UNC5C: variants seen among roughly 807,000 people sequenced by gnomAD.
The protein encoded by UNC5C is netrin receptor UNC5C.
UNC5C carries 47 observed loss-of-function variants against 99.8 expected under a neutral mutation model. The observed-to-expected ratio is 0.47, with a 90% CI of 0.37 to 0.60. The LOEUF is 0.60. Among genes scored for constraint, UNC5C ranks in the 20% least tolerant of loss-of-function variants. The probability of loss-of-function intolerance (pLI) is 0.00; values close to 1 mark genes in which losing one functional copy is unlikely to be tolerated. For synonymous variants in UNC5C, 487 were observed against 452.2 expected, an observed-to-expected ratio of 1.08 and a Z score of -0.98; for missense variants, 1,062 against 1,165.9, an observed-to-expected ratio of 0.91 and a Z score of 1.30.
chr4:95,342,814 T>G (rs1743627862), intron 1 of UNC5C, among the ~76,000 whole-genome samples: 1 of 150,448 alleles, frequency 6.6e-6, no homozygotes, highest in Non-Finnish European at 1.5e-5. Context: ...GAAGGAAGAG[T>G]CACCACAAGC....
intron 1 of UNC5C, among the ~76,000 whole-genome samples, chr4:95,475,406 T>G (rs1183446852): frequency 1.3e-5 from 2 of 151,926 alleles, no homozygotes; most frequent in Non-Finnish European, 2.9e-5. Flanking sequence ...AACACCCAAT[T>G]TTTAAAGGGT....
chr4:95,387,279 T>C (rs1470653741), intron 1 of UNC5C, among the ~76,000 whole-genome samples: 2 of 152,026 alleles, frequency 1.3e-5, no homozygotes, highest in African/African-American at 4.8e-5. Context: ...GCTGGGACTA[T>C]AGGCACCCAC....
chr4:95,400,523 G>C (rs1745659371), intron 1 of UNC5C, among the ~76,000 whole-genome samples: 2 of 149,940 alleles, frequency 1.3e-5, no homozygotes, highest in South Asian at 4.2e-4. Context: ...CTGCCGAGTA[G>C]CTGGGACTAC....
At chr4:95,269,125 A>G (rs770559614) in intron 4 of UNC5C, among the ~76,000 whole-genome samples, 1 of 152,218 alleles carries the variant, frequency 6.6e-6, no homozygotes, top group Non-Finnish European at 1.5e-5. Context: ...ACTGCATTTT[A>G]GAATCACATG....
intron 10 of UNC5C, 180 bp downstream of exon 10, chr4:95,215,941 GCGT>G: frequency 4.2e-6 from 2 of 474,548 alleles, no homozygotes; most frequent in Non-Finnish European, 7.5e-6. Context: ...ATCTGCAAAA[GCGT>G]CTGGAGCCTC....
intron 7 of UNC5C, among the ~76,000 whole-genome samples, chr4:95,241,685 T>C (rs562148195): frequency 1.3e-3 from 194 of 152,252 alleles, no homozygotes; most frequent in African/African-American, 4.5e-3. Flanking sequence ...TGAAAAGAGA[T>C]AGTAAACTGT....
chr4:95,331,723 T>C (rs1743120286), intron 2 of UNC5C, among the ~76,000 whole-genome samples: 1 of 152,154 alleles, frequency 6.6e-6, no homozygotes, highest in Non-Finnish European at 1.5e-5. Context: ...GTAATATTAA[T>C]TAATTTTTAT....
intron 3 of UNC5C, among the ~76,000 whole-genome samples, chr4:95,283,920 T>C (rs1296640724): frequency 6.6e-6 from 1 of 152,228 alleles, no homozygotes; most frequent in African/African-American, 2.4e-5. Flanking sequence ...TATGTATGCT[T>C]TCAGAGAGAT....
At chr4:95,422,176 A>G (rs1385293928) in intron 1 of UNC5C, among the ~76,000 whole-genome samples, 1 of 152,244 alleles carries the variant, frequency 6.6e-6, no homozygotes, top group South Asian at 2.1e-4. Context: ...GTAGGCACAC[A>G]TGAAATATTA....
chr4:95,413,479 C>T (rs2149452859), intron 1 of UNC5C, among the ~76,000 whole-genome samples: 1 of 152,320 alleles, frequency 6.6e-6, no homozygotes, highest in East Asian at 1.9e-4. Flanking sequence ...CAGGCATCAT[C>T]TAACATCTAA....
chr4:95,282,411 G>T (rs1287726412), intron 3 of UNC5C, among the ~76,000 whole-genome samples: 5 of 152,140 alleles, frequency 3.3e-5, no homozygotes, highest in African/African-American at 1.2e-4. Context: ...ACCATTCTGG[G>T]TACTGTAGGG....
intron 7 of UNC5C, among the ~76,000 whole-genome samples, chr4:95,223,128 G>A (rs1299253163): frequency 6.6e-6 from 1 of 152,142 alleles, no homozygotes; most frequent in Non-Finnish European, 1.5e-5. Context: ...ATAATGTGAA[G>A]TGGAATAAGA....
At chr4:95,462,731 G>T (rs895835389) in intron 1 of UNC5C, among the ~76,000 whole-genome samples, 1 of 152,178 alleles carries the variant, frequency 6.6e-6, no homozygotes, top group African/African-American at 2.4e-5. Flanking sequence ...AACATATGCA[G>T]ATTACTTTCT....
At chr4:95,193,941 G>A (rs1026506494) in intron 12 of UNC5C, among the ~76,000 whole-genome samples, 3 of 151,722 alleles carry the variant, frequency 2.0e-5, no homozygotes, top group Non-Finnish European at 2.9e-5. Flanking sequence ...TCACGCCAGG[G>A]TGCTCTGCTC....
intron 2 of UNC5C, among the ~76,000 whole-genome samples, chr4:95,334,967 T>C (rs1325637910): frequency 6.6e-6 from 1 of 152,006 alleles, no homozygotes; most frequent in African/African-American, 2.4e-5. Flanking sequence ...TTACAAATCC[T>C]TAACAAATAT....
chr4:95,259,021 A>G (rs1740120024), intron 4 of UNC5C, among the ~76,000 whole-genome samples: 1 of 151,332 alleles, frequency 6.6e-6, no homozygotes, highest in East Asian at 2.0e-4. Flanking sequence ...TCGGCCTCCC[A>G]AAGTGCTGGG....
At chr4:95,292,268 A>C (rs931150542) in intron 3 of UNC5C, among the ~76,000 whole-genome samples, 23 of 99,616 alleles carry the variant, frequency 2.3e-4, no homozygotes, top group Non-Finnish European at 4.1e-4. Context: ...TATATATATA[A>C]ATTTTTTTTG....
intron 12 of UNC5C, among the ~76,000 whole-genome samples, chr4:95,192,180 C>T (rs10010313): frequency 0.023 from 3,332 of 144,568 alleles, 143 homozygotes; most frequent in African/African-American, 0.081. Flanking sequence ...TGCTCACCTC[C>T]TCCCTTTCTC....
chr4:95,368,534 A>G lies in UNC5C; in HGVS notation c.125-32903T>C, dbSNP rs143153894. Among the ~76,000 whole-genome samples, 521 of 152,270 alleles carry G rather than the reference A, an allele frequency of 3.4e-3. 11 individuals are homozygous for G. The highest frequency in any genetic ancestry group is 0.022 in the Admixed American group (339 of 15,282). On this transcript the variant is annotated intron_variant, in intron 1 of 15. Coordinates refer to ENST00000453304, the MANE Select transcript of UNC5C (RefSeq NM_003728.4). ...CTAATGTATATTTATGATGCACTTC[A>G]TTAAACCCTGTGACTTTTTCAAGAG...
Sources: gnomAD v4.1 joint callset for allele counts (sites outside exome capture counted in the v4.1 genomes callset) on GRCh38, gnomAD v4.1.1 for gene constraint, MANE v1.5 for transcripts, NCBI Gene and HGNC (gene_info 2026-07-23, HGNC 2026-07-21) for gene names.